The following BLTP1 variants were observed in gnomAD, a reference collection of about 807,000 sequenced individuals.
BLTP1 encodes bridge-like lipid transfer protein family member 1, also known as fragile site-associated protein.
the BLTP1 span, among the ~76,000 whole-genome samples, chr4:122,322,708 G>A: frequency 6.6e-6 from 1 of 152,078 alleles, no homozygotes; most frequent in South Asian, 2.1e-4. Context: ...CCTCTGAACT[G>A]TGAACTTCAT....
At chr4:122,162,527 CTTT>C in the BLTP1 span, 13 of 985,382 alleles carry the variant, frequency 1.3e-5, no homozygotes, top group Non-Finnish European at 1.6e-5. Context: ...AACTCTTCTT[CTTT>C]GAGTTAATCA....
At chr4:122,341,031 C>T in the BLTP1 span, 1 of 158,960 alleles carries the variant, frequency 6.3e-6, no homozygotes, top group African/African-American at 2.4e-5. Flanking sequence ...ATTAAATATT[C>T]ATCTCTAAAA....
At chr4:122,327,048 A>G in the BLTP1 span, among the ~76,000 whole-genome samples, 365 of 151,856 alleles carry the variant, frequency 2.4e-3, 2 homozygotes, top group African/African-American at 8.4e-3. Context: ...TTACTGCTCA[A>G]GTAACTCTGT....
At chr4:122,174,612 G>A in the BLTP1 span, 3 of 1,608,240 alleles carry the variant, frequency 1.9e-6, no homozygotes, top group Non-Finnish European at 2.6e-6. Flanking sequence ...AAAAGTCATG[G>A]TTCGTGAAAT....
the BLTP1 span, chr4:122,236,889 G>A: frequency 3.8e-5 from 37 of 985,148 alleles, no homozygotes; most frequent in African/African-American, 5.9e-4. Flanking sequence ...CCCTACATAC[G>A]TACCTGAGTT....
At chr4:122,242,236 A>G in the BLTP1 span, among the ~76,000 whole-genome samples, 3 of 152,232 alleles carry the variant, frequency 2.0e-5, no homozygotes, top group African/African-American at 4.8e-5. Context: ...ATGTCCATCA[A>G]TGAATAGACA....
At chr4:122,203,198 G>T in the BLTP1 span, among the ~76,000 whole-genome samples, 1 of 151,854 alleles carries the variant, frequency 6.6e-6, no homozygotes, top group African/African-American at 2.4e-5. Context: ...AATGCCTAAT[G>T]TTCCTGAACA....
At chr4:122,182,234 C>CT in the BLTP1 span, among the ~76,000 whole-genome samples, 1 of 152,022 alleles carries the variant, frequency 6.6e-6, no homozygotes, top group Non-Finnish European at 1.5e-5. Flanking sequence ...GGGGGAAAGC[C>CT]AGTCAAGGGA....
the BLTP1 span, chr4:122,244,705 A>T: frequency 1.4e-6 from 1 of 707,038 alleles, no homozygotes. Flanking sequence ...TTCTTCGATA[A>T]CTTATACTAT....
At chr4:122,247,375 A>T in the BLTP1 span, 9 of 1,611,380 alleles carry the variant, frequency 5.6e-6, no homozygotes, top group East Asian at 2.0e-4. Flanking sequence ...TCTACAACAA[A>T]TATGTTTTTT....
the BLTP1 span, among the ~76,000 whole-genome samples, chr4:122,161,874 ATATT>A: frequency 6.6e-6 from 1 of 152,174 alleles, no homozygotes; most frequent in Non-Finnish European, 1.5e-5. Flanking sequence ...TATGAAGCAA[ATATT>A]TATTGAGAGA....
At chr4:122,228,051 C>G in the BLTP1 span, among the ~76,000 whole-genome samples, 1 of 151,634 alleles carries the variant, frequency 6.6e-6, no homozygotes, top group East Asian at 2.0e-4. Flanking sequence ...GTAGCTGGGA[C>G]TACAGGCGCC....
the BLTP1 span, among the ~76,000 whole-genome samples, chr4:122,160,656 A>G: frequency 1.3e-5 from 2 of 152,200 alleles, no homozygotes; most frequent in Non-Finnish European, 2.9e-5. Context: ...AACAGTTTAC[A>G]TGAATTAAAC....
At chr4:122,320,519 T>C in the BLTP1 span, among the ~76,000 whole-genome samples, 4 of 152,172 alleles carry the variant, frequency 2.6e-5, no homozygotes, top group Non-Finnish European at 4.4e-5. Flanking sequence ...CCCTTTATCA[T>C]TTCATAATGC....
chr4:122,326,782 T>C, the BLTP1 span, among the ~76,000 whole-genome samples: 93 of 151,856 alleles, frequency 6.1e-4, no homozygotes, highest in African/African-American at 1.9e-3. Context: ...AATTAGAAAA[T>C]AATTAAAGCA....
the BLTP1 span, chr4:122,349,319 T>C: frequency 6.2e-7 from 1 of 1,609,746 alleles, no homozygotes; most frequent in Non-Finnish European, 8.5e-7. The surrounding 1 kb of genome is among the most constrained non-coding windows in gnomAD (Gnocchi z 4.5). Flanking sequence ...ATGGTTGGTA[T>C]GTTGAAATTT....
At chr4:122,254,635 C>CT in the BLTP1 span, 5 of 514,788 alleles carry the variant, frequency 9.7e-6, no homozygotes, top group Non-Finnish European at 2.2e-6. Flanking sequence ...TTCTATTGTC[C>CT]ATTTTTTTTA....
chr4:122,283,534 C>T, the BLTP1 span, among the ~76,000 whole-genome samples: 4,705 of 152,128 alleles, frequency 0.031, 247 homozygotes, highest in African/African-American at 0.11. Flanking sequence ...TTTTTTGAGA[C>T]AGGGTCTCAC....
At chr4:122,315,371 A>T in the BLTP1 span, 2 of 1,507,658 alleles carry the variant, frequency 1.3e-6, no homozygotes, top group South Asian at 1.2e-5. Context: ...GAAAGACATT[A>T]GTTATTATAT....
Sources: gnomAD v4.1 joint callset for allele counts (sites outside exome capture counted in the v4.1 genomes callset) on GRCh38, gnomAD v4.1.1 for gene constraint, Gnocchi (gnomAD v3.1) non-coding constraint, MANE v1.5 for transcripts, NCBI Gene and HGNC (gene_info 2026-07-23, HGNC 2026-07-21) for gene names.